IVD: variants seen among roughly 807,000 people sequenced by gnomAD.
IVD encodes the protein isovaleryl-CoA dehydrogenase, mitochondrial.
Under a neutral mutation model 51.3 loss-of-function variants are expected in IVD, and 31 were observed. That is an observed-to-expected ratio of 0.60 (90% confidence interval 0.45 to 0.81). IVD has a LOEUF of 0.81. Among genes scored for constraint, IVD ranks in the 40% least tolerant of loss-of-function variants. The pLI, the probability that IVD is intolerant of heterozygous loss-of-function variation, is 0.00. For missense variants in IVD, 475 were observed against 552.0 expected, an observed-to-expected ratio of 0.86 and a Z score of 1.40; for synonymous variants, 205 against 219.4, an observed-to-expected ratio of 0.93 and a Z score of 0.58.
chr15:40,406,060 G>C, intron 1 of IVD, 89 bp downstream of exon 1: 2 of 1,491,320 alleles, frequency 1.3e-6, no homozygotes, highest in South Asian at 1.3e-5. Flanking sequence ...CATCGGCCCA[G>C]CGCCCACCCA....
intron 6 of IVD, 107 bp downstream of exon 6, chr15:40,411,798 A>G: frequency 6.7e-6 from 9 of 1,337,332 alleles, no homozygotes; most frequent in Non-Finnish European, 8.4e-6. Flanking sequence ...GTGCTCTGCA[A>G]GGCCCCCAGA....
rs1891243353 is a variant in IVD at position 40,413,006 on chromosome 15, A to G, written c.703A>G (p.Ser235Gly). 10 of 1,614,028 alleles carry G rather than the reference A, an allele frequency of 6.2e-6. No homozygotes were observed. The highest frequency in any genetic ancestry group is 8.5e-6 in the Non-Finnish European group (10 of 1,179,896). The change falls in exon 7 of 12, where the codon AGC (serine) becomes GGC (glycine). Residue 235 changes from serine (S) to glycine (G), a missense_variant. Physicochemically the swap from Ser to Gly is moderately conservative, Grantham distance 56 (BLOSUM62 0). Transcript: ENST00000487418. ...FIVEKGMPGFSTSKKLDKLGM... is the reference protein window; with the variant it reads ...FIVEKGMPGFGTSKKLDKLGM... ...TCCTGTAAAGGGTATGCCTGGCTTT[A>G]GCACCTCTAAGAAGCTGGACAAGCT...
rs868854678 is a variant in IVD, at chr15:40,418,439, C to T, written c.*176C>T. On this transcript the variant is annotated 3_prime_UTR_variant, in exon 12 of 12. Coordinates refer to ENST00000487418, the MANE Select transcript of IVD (RefSeq NM_002225.5). ...AACAGCTCCCAAGCATCATGGGCCT[C>T]GCAGCCGGGCCTGTGCCACGGCTAG... 19 of 1,506,300 alleles carry T rather than the reference C, an allele frequency of 1.3e-5. No individual in the cohort carries two copies. The African/African-American group carries it at 2.4e-4, about 19-fold the overall frequency. 93.3% of individuals were successfully genotyped at this position (1,506,300 alleles called of 1,614,324 possible).
chr15:40,407,862 G>T (rs182620996), intron 2 of IVD, 77 bp from the exon 3 acceptor site: 2 of 1,512,424 alleles, frequency 1.3e-6, no homozygotes, highest in African/African-American at 2.7e-5. Flanking sequence ...AAGTGTTTGG[G>T]TCTCATTGTT....
downstream of IVD, among the ~76,000 whole-genome samples, chr15:40,427,693 G>A (rs1424844764): frequency 2.0e-5 from 3 of 152,270 alleles, no homozygotes; most frequent in East Asian, 5.8e-4. Flanking sequence ...GATAAATTAA[G>A]ATAACTTTAC....
chr15:40,415,553 G>C (rs1303133955), intron 9 of IVD, 71 bp downstream of exon 9: 1 of 1,341,274 alleles, frequency 7.5e-7, no homozygotes, highest in East Asian at 2.4e-5. Flanking sequence ...GAGAGGAAGT[G>C]AGGTGGGCAC....
Position 40,421,237 on chromosome 15 carries a change from G to C in IVD, c.*2974G>C. ...CTAAGCCCTGTCGACTTGGGGAGGT[G>C]ATTTCTTTCCTGGTTCTATATGTGA... On this transcript the variant is annotated 3_prime_UTR_variant, in exon 12 of 12. Transcript: ENST00000487418. 1.0e-6 allele frequency: 1 copy of C among 985,418 alleles called. No individual in the cohort carries two copies. Among genetic ancestry groups the C allele is most frequent in the Non-Finnish European group, 1.2e-6 (1 of 829,936 alleles). 61.0% of individuals were successfully genotyped at this position (985,418 alleles called of 1,614,324 possible). A position where few individuals can be genotyped will look rare whatever the true frequency, so the allele number is the denominator to read the frequency against.
downstream of IVD, among the ~76,000 whole-genome samples, chr15:40,426,551 G>A (rs71472438): frequency 1.3e-5 from 2 of 149,716 alleles, no homozygotes; most frequent in South Asian, 2.1e-4. Flanking sequence ...AAAAAAAAAA[G>A]AAAAGAAAAA....
rs377531439 is a variant in IVD, at chr15:40,430,340, G to A, written c.720-3514G>A. On this transcript the variant is annotated intron_variant, in intron 7 of 8. Coordinates refer to the IVD transcript ENST00000473112. ...AGGCAGATCTTAGCCAGGAATCACC[G>A]GCTTGCCAGGCTTGCTAGGAGGAGA... Among the ~76,000 whole-genome samples, 69 of 152,324 alleles carry A rather than the reference G, an allele frequency of 4.5e-4. 1 individual carries two copies. In the South Asian group the frequency reaches 4.6e-3, roughly 10 times the overall value.
At chr15:40,429,928 G>A (rs903089333) in intron 7 of IVD, among the ~76,000 whole-genome samples, 3 of 152,172 alleles carry the variant, frequency 2.0e-5, no homozygotes, top group African/African-American at 7.2e-5. Context: ...TTGTTATCCA[G>A]TTGTTGAATG....
chr15:40,428,281 G>A (rs181523339), downstream of IVD, among the ~76,000 whole-genome samples: 27 of 151,962 alleles, frequency 1.8e-4, no homozygotes, highest in African/African-American at 6.3e-4. Context: ...TCCTAAGACT[G>A]CTTCCAAGGC....
In IVD at chr15:40,416,187, G is replaced by A. The variant is rs778222644; in HGVS notation, c.1065+5G>A. ...GAGGGCCATTGCACTGCTAAGGTGA[G>A]GGCCAGCCTCAGTCGGGGAGAGGCG... On this transcript the variant is annotated splice_donor_5th_base_variant and intron_variant, in intron 10 of 11. Coordinates refer to ENST00000487418, the MANE Select transcript of IVD (RefSeq NM_002225.5). 3.7e-6 allele frequency: 6 copies of A among 1,613,984 alleles called. No homozygotes were observed. The highest frequency in any genetic ancestry group is 5.1e-6 in the Non-Finnish European group (6 of 1,179,830).
rs576357533 is a variant in IVD at position 40,421,273 on chromosome 15, A to G, written c.*3010A>G. On this transcript the variant is annotated 3_prime_UTR_variant, in exon 12 of 12. Coordinates refer to ENST00000487418, the MANE Select transcript of IVD (RefSeq NM_002225.5). ...TGGTTCTATATGTGAAGCAAAATAA[A>G]TGTTTTAAAATTAAAAGCAAAAAAA... is the stretch of plus-strand genomic sequence containing the variant. 16 of 972,584 alleles carry G rather than the reference A, an allele frequency of 1.6e-5. No individual in the cohort carries two copies. In the Admixed American group the frequency reaches 7.1e-4, roughly 43 times the overall value. 60.2% of individuals were successfully genotyped at this position (972,584 alleles called of 1,614,324 possible).
chr15:40,415,250 C>T (rs777019120), intron 8 of IVD, 151 bp from the exon 9 acceptor site: 1 of 798,730 alleles, frequency 1.3e-6, no homozygotes, highest in Admixed American at 2.0e-5. Flanking sequence ...CGCCCCTGCA[C>T]CTCTGGCCAG....
downstream of IVD, among the ~76,000 whole-genome samples, chr15:40,425,868 G>A (rs992005329): frequency 1.1e-4 from 16 of 151,980 alleles, no homozygotes; most frequent in African/African-American, 3.1e-4. Context: ...GGAGTGCAGC[G>A]GCGCAGTCAT....
intron 11 of IVD, among the ~76,000 whole-genome samples, chr15:40,417,502 C>CAA (rs61345321): frequency 5.6e-4 from 50 of 88,594 alleles, no homozygotes; most frequent in Admixed American, 1.3e-3. Flanking sequence ...AGCATGACTC[C>CAA]AAAAAAAAAA....
chr15:40,412,100 A>G (rs773031089), intron 6 of IVD, among the ~76,000 whole-genome samples: 34 of 152,230 alleles, frequency 2.2e-4, no homozygotes, highest in African/African-American at 3.1e-4. Flanking sequence ...AGGAGTTCCA[A>G]TGAAAAGTTA....
At position 40,410,730 on chromosome 15, in the gene IVD, C is replaced by T; in HGVS notation, c.389C>T (p.Ser130Phe). 6.2e-7 allele frequency: 1 copy of T among 1,614,206 alleles called. No individual in the cohort carries two copies. The highest frequency in any genetic ancestry group is 8.5e-7 in the Non-Finnish European group (1 of 1,180,036). The change falls in exon 4 of 12, where the codon TCC (serine) becomes TTC (phenylalanine). Residue 130 changes from serine (S) to phenylalanine (F), a missense_variant. Ser to Phe is a radical substitution (Grantham distance 155). Transcript: ENST00000487418. ...GTGGGGCTCAGTTACGGTGCCCACT[C>T]CAACCTCTGCATCAACCAGCTTGTA... ...GAVGLSYGAH[S>F]NLCINQLVRN...
At chr15:40,415,318 TG>T in intron 8 of IVD, 82 bp from the exon 9 acceptor site, 1 of 1,206,686 alleles carries the variant, frequency 8.3e-7, no homozygotes, top group Non-Finnish European at 1.2e-6. Context: ...CCTGGGATTC[TG>T]GCCTTCCCAC....
Sources: allele counts gnomAD v4.1 joint callset (sites outside exome capture counted in the v4.1 genomes callset), GRCh38; gene constraint gnomAD v4.1.1; transcripts MANE v1.5; gene names NCBI Gene and HGNC (gene_info 2026-07-23, HGNC 2026-07-21).